Variants in SEC23IP observed in about 807,000 individuals in gnomAD.
SEC23IP encodes the protein SEC23 interacting protein.
In SEC23IP, 70 loss-of-function variants were observed where a neutral mutation model predicts 113.4. The observed-to-expected ratio is 0.62, with a 90% CI of 0.51 to 0.75. The LOEUF is 0.75. SEC23IP is among the 30% of genes least tolerant of loss of function. The pLI is 0.00. For missense variants in SEC23IP, 1,160 were observed against 1,204.9 expected, an observed-to-expected ratio of 0.96 and a Z score of 0.55; for synonymous variants, 398 against 421.0, an observed-to-expected ratio of 0.95 and a Z score of 0.67.
intron 12 of SEC23IP, 130 bp from the exon 13 acceptor site, chr10:119,925,906 A>G (rs991106798): frequency 3.9e-6 from 3 of 761,990 alleles, no homozygotes; most frequent in Non-Finnish European, 6.2e-6. Flanking sequence ...TTTTAAAGTA[A>G]TCACAATGTT....
chr10:119,925,438 GCTT>G (rs1287565724), intron 12 of SEC23IP, among the ~76,000 whole-genome samples: 2 of 151,960 alleles, frequency 1.3e-5, no homozygotes, highest in African/African-American at 2.4e-5. Context: ...TACTTTCTTT[GCTT>G]CTTAATTATT....
chr10:119,911,170 A>C (rs1156742264), intron 5 of SEC23IP, among the ~76,000 whole-genome samples: 2 of 151,820 alleles, frequency 1.3e-5, no homozygotes, highest in African/African-American at 4.8e-5. Context: ...TTGAAATTGT[A>C]GTTTAATTGG....
intron 6 of SEC23IP, among the ~76,000 whole-genome samples, chr10:119,914,156 A>G (rs1029825235): frequency 5.9e-5 from 9 of 152,320 alleles, no homozygotes; most frequent in Admixed American, 4.6e-4. Context: ...GTGAAACTCC[A>G]TCTCCAAAAC....
intron 1 of SEC23IP, among the ~76,000 whole-genome samples, chr10:119,894,021 T>G (rs902359600): frequency 2.0e-5 from 3 of 152,244 alleles, no homozygotes; most frequent in Non-Finnish European, 2.9e-5. Flanking sequence ...GCCCTGCCAG[T>G]AACTTGCTGT....
intron 4 of SEC23IP, among the ~76,000 whole-genome samples, chr10:119,908,225 A>T (rs1854743613): frequency 6.6e-6 from 1 of 152,158 alleles, no homozygotes; most frequent in Non-Finnish European, 1.5e-5. Context: ...TTGGAGTCAG[A>T]AAGTCCTGGG....
rs747183944 is a variant in SEC23IP at position 119,892,849 on chromosome 10, C to T, written c.67C>T (p.Leu23Phe). The part of the protein sequence containing the change: ...ASTSSSGTNL[L>F]FSSSATEFSF... ...CACTTCCTCATCGGGCACTAACTTA[C>T]TTTTCTCCTCCTCGGCCACGGAGTT... is the stretch of plus-strand genomic sequence containing the variant. The change falls in exon 1 of 19, where the codon CTT (leucine) becomes TTT (phenylalanine). Residue 23 changes from leucine to phenylalanine, a missense_variant. Coordinates refer to ENST00000369075, the MANE Select transcript of SEC23IP (RefSeq NM_007190.4). 6.2e-7 allele frequency: 1 copy of T among 1,614,096 alleles called. No individual in the cohort carries two copies.
chr10:119,902,663 T>G (rs1279356647), intron 2 of SEC23IP, 136 bp from the exon 3 acceptor site: 1 of 720,628 alleles, frequency 1.4e-6, no homozygotes, highest in Non-Finnish European at 2.3e-6. Flanking sequence ...TAAAATTGCT[T>G]TGGGGTCTAG....
intron 12 of SEC23IP, among the ~76,000 whole-genome samples, chr10:119,924,115 T>G (rs540320503): frequency 2.2e-4 from 34 of 152,344 alleles, no homozygotes; most frequent in Admixed American, 2.2e-3. Flanking sequence ...TCTAAAACAT[T>G]AACGGTGGAA....
In SEC23IP at chr10:119,932,332, T is replaced by C; in HGVS notation, c.2758+14T>C. ...AAGTAGTTGAAGGTAAATTTGACAT[T>C]TGAGGCATTTTCTAATACAAATGTT... On this transcript the variant is annotated intron_variant, in intron 16 of 18. Coordinates refer to ENST00000369075, the MANE Select transcript of SEC23IP (RefSeq NM_007190.4). The C allele has an allele frequency of 6.3e-7, 1 of 1,590,380 alleles. No individual in the cohort carries two copies. The highest frequency in any genetic ancestry group is 8.6e-7 in the Non-Finnish European group (1 of 1,161,100).
chr10:119,898,256 A>C, intron 1 of SEC23IP, 171 bp from the exon 2 acceptor site: 1 of 1,208,454 alleles, frequency 8.3e-7, no homozygotes. Flanking sequence ...TTTCATTTCT[A>C]AGAAGCAAGT....
In SEC23IP at chr10:119,920,953, C is replaced by T. The variant is rs780624404; in HGVS notation, c.2090C>T (p.Ala697Val). Residue 697 changes from alanine (A) to valine (V), a missense_variant, in exon 12 of 19, where the codon GCT becomes GTT. Coordinates refer to ENST00000369075, the MANE Select transcript of SEC23IP (RefSeq NM_007190.4). ...CCCCTTGGACCCAGAAAGAAGATAG[C>T]TAACTTTGTAGAACATAAAGCAGCC... ...GIPLGPRKKI[A>V]NFVEHKAAKL... 2 of 1,613,678 alleles carry T rather than the reference C, an allele frequency of 1.2e-6. No individual in the cohort carries two copies. Among genetic ancestry groups the T allele is most frequent in the African/African-American group, 2.7e-5 (2 of 75,058 alleles).
At chr10:119,928,595 G>A (rs1855494224) in intron 13 of SEC23IP, among the ~76,000 whole-genome samples, 1 of 152,188 alleles carries the variant, frequency 6.6e-6, no homozygotes. Flanking sequence ...AGGCATAATG[G>A]TTCTTGCCTT....
At position 119,903,118 on chromosome 10, in the gene SEC23IP, A is replaced by G. The variant is rs1854552411; in HGVS notation, c.907+109A>G. The stretch of plus-strand genomic sequence containing the variant: ...ATGTCAAATACCTTAATCCTTATAG[A>G]CCCCAGACTCTGTACCTTAAGGTGA... On this transcript the variant is annotated intron_variant, in intron 3 of 18. Transcript: ENST00000369075. The G allele has an allele frequency of 9.1e-6, 8 of 879,530 alleles. No homozygotes were observed. In the East Asian group the frequency reaches 2.1e-4, roughly 23 times the overall value. The allele number at this position is 879,530 out of a possible 1,614,324, so 54.5% of individuals were successfully genotyped here.
chr10:119,923,859 C>A (rs1369218514), intron 12 of SEC23IP, among the ~76,000 whole-genome samples: 7 of 152,096 alleles, frequency 4.6e-5, no homozygotes. Flanking sequence ...TATGTTGGTT[C>A]ACTTTTAAAC....
chr10:119,893,309 G>C (rs1207038618), intron 1 of SEC23IP, among the ~76,000 whole-genome samples: 2 of 152,004 alleles, frequency 1.3e-5, no homozygotes, highest in South Asian at 4.1e-4. Flanking sequence ...CTCCCACTAG[G>C]AGACTCCTAG....
intron 1 of SEC23IP, among the ~76,000 whole-genome samples, chr10:119,898,004 CA>C (rs748199768): frequency 6.3e-4 from 69 of 108,708 alleles, no homozygotes; most frequent in Middle Eastern, 6.1e-3. Context: ...GACGCCGTCT[CA>C]AAAAAAAATA....
In SEC23IP at chr10:119,942,637, C is replaced by T. The variant is rs1282660174; in HGVS notation, c.*2072C>T. 1 of 152,020 alleles carries T rather than the reference C, an allele frequency of 6.6e-6. No individual in the cohort carries two copies. Among genetic ancestry groups the T allele is most frequent in the Admixed American group, 6.6e-5 (1 of 15,254 alleles). 9.4% of individuals were successfully genotyped at this position (152,020 alleles called of 1,614,324 possible). On this transcript the variant is annotated 3_prime_UTR_variant, in exon 19 of 19. Transcript: ENST00000369075. The stretch of plus-strand genomic sequence containing the variant: ...AAGAAAGTCATGTCTGTAGTTATTC[C>T]AAAAGTGTTTCATGTGTAGAGTTTG...
intron 1 of SEC23IP, among the ~76,000 whole-genome samples, chr10:119,893,386 C>T (rs557894716): frequency 1.3e-5 from 2 of 151,878 alleles, no homozygotes; most frequent in South Asian, 4.2e-4. Context: ...CTGTCTCCTA[C>T]TAGGAGATTG....
intron 18 of SEC23IP, among the ~76,000 whole-genome samples, chr10:119,939,905 C>T (rs1364900242): frequency 2.6e-5 from 4 of 152,078 alleles, no homozygotes; most frequent in African/African-American, 7.2e-5. Flanking sequence ...CCAAGTTGCC[C>T]AGGCTGGTCT....
Sources: allele counts gnomAD v4.1 joint callset (sites outside exome capture counted in the v4.1 genomes callset), GRCh38; gene constraint gnomAD v4.1.1; transcripts MANE v1.5; gene names NCBI Gene and HGNC (gene_info 2026-07-23, HGNC 2026-07-21).